RASSF3: variants seen among roughly 807,000 people sequenced by gnomAD.
RASSF3 encodes Ras association domain family member 3.
Under a neutral mutation model 19.9 loss-of-function variants are expected in RASSF3, and 19 were observed. The ratio of observed to expected loss-of-function variants is 0.96; its 90% CI spans 0.67 to 1.40. The LOEUF is 1.40. Among genes scored for constraint, RASSF3 ranks in the 40% most tolerant of loss-of-function variants. The probability of loss-of-function intolerance (pLI) is 0.00; values close to 1 mark genes in which losing one functional copy is unlikely to be tolerated. For synonymous variants in RASSF3, 110 were observed against 104.2 expected (o/e 1.06, Z -0.34); for missense variants, 306 against 289.8 (o/e 1.06, Z -0.41).
chr12:64,530,037 A>C (rs1868673616), upstream of RASSF3, among the ~76,000 whole-genome samples: 1 of 152,124 alleles, frequency 6.6e-6, no homozygotes. Context: ...TCATCACATG[A>C]AGATAATGAA....
intron 1 of RASSF3, among the ~76,000 whole-genome samples, chr12:64,526,274 CATT>C (rs1868584580): frequency 6.6e-6 from 1 of 152,172 alleles, no homozygotes; most frequent in Non-Finnish European, 1.5e-5. Flanking sequence ...AAATCAACCT[CATT>C]AATATATGCA....
In RASSF3 at chr12:64,541,282, G is replaced by A. The variant is rs527363200; in HGVS notation, c.68-299G>A. Among the ~76,000 whole-genome samples, 94 of 152,170 alleles carry A rather than the reference G, an allele frequency of 6.2e-4. No homozygotes were observed. The Middle Eastern group carries it at 0.014, about 22-fold the overall frequency. On this transcript the variant is annotated intron_variant, in intron 1 of 1. Coordinates refer to the RASSF3 transcript ENST00000636333. ...ATTACAGGCATGAGCCACAGCGCCCGGCCAATGTTGTCTTAATTTAAACCT... is the reference window on the plus strand; with the variant it reads ...ATTACAGGCATGAGCCACAGCGCCCAGCCAATGTTGTCTTAATTTAAACCT...
At chr12:64,673,417 GTGT>G (rs1430914896) in intron 1 of RASSF3, among the ~76,000 whole-genome samples, 1 of 152,138 alleles carries the variant, frequency 6.6e-6, no homozygotes, top group Admixed American at 6.5e-5. Context: ...GTTTGGGGTA[GTGT>G]TGTAGATGGT....
In RASSF3 at chr12:64,594,698, A is replaced by G. The variant is rs181144956; in HGVS notation, c.294+52993A>G. On this transcript the variant is annotated intron_variant, in intron 2 of 5. Coordinates refer to the RASSF3 transcript ENST00000637125. ...TAGAGAAACAGCAGACTCAGGGAAA[A>G]CTCTAAAAACACAGCATACCCTTCC... 3.9e-5 allele frequency among the ~76,000 whole-genome samples: 6 copies of G among 152,168 alleles called. No individual in the cohort carries two copies. The East Asian group carries it at 5.8e-4, about 15-fold the overall frequency.
chr12:64,536,994 G>A (rs141764179), intron 1 of RASSF3, among the ~76,000 whole-genome samples: 23 of 152,226 alleles, frequency 1.5e-4, no homozygotes, highest in African/African-American at 5.3e-4. Flanking sequence ...ACTTCCTGAC[G>A]GCCACATCTC....
chr12:64,538,342 T>C (rs572553852), intron 1 of RASSF3, among the ~76,000 whole-genome samples: 1 of 152,264 alleles, frequency 6.6e-6, no homozygotes, highest in Admixed American at 6.5e-5. Context: ...TTAGGGCCCA[T>C]CCACATGACC....
At chr12:64,554,493 C>T (rs1042529892) in intron 2 of RASSF3, among the ~76,000 whole-genome samples, 3 of 152,098 alleles carry the variant, frequency 2.0e-5, no homozygotes, top group Non-Finnish European at 4.4e-5. Context: ...TTAGTAGAGA[C>T]AGGGTTTCGC....
intron 1 of RASSF3, among the ~76,000 whole-genome samples, chr12:64,623,139 A>G (rs889812894): frequency 6.6e-6 from 1 of 152,168 alleles, no homozygotes; most frequent in Non-Finnish European, 1.5e-5. Flanking sequence ...AATTTTCTAC[A>G]AATGCTTGTT....
chr12:64,569,488 C>A (rs1342067407), intron 2 of RASSF3, among the ~76,000 whole-genome samples: 2 of 152,224 alleles, frequency 1.3e-5, no homozygotes, highest in Non-Finnish European at 2.9e-5. Context: ...CGAACGTTGC[C>A]ATGAGTTACA....
At chr12:64,683,642 C>T (rs1187373040) in intron 1 of RASSF3, among the ~76,000 whole-genome samples, 2 of 152,122 alleles carry the variant, frequency 1.3e-5, no homozygotes, top group African/African-American at 4.8e-5. Flanking sequence ...TGATTAACTG[C>T]TGTACTTTTT....
chr12:64,631,442 T>G (rs1185536494), intron 1 of RASSF3, among the ~76,000 whole-genome samples: 1 of 152,116 alleles, frequency 6.6e-6, no homozygotes, highest in Non-Finnish European at 1.5e-5. Context: ...AGAGGTGCTC[T>G]TCCGTGAGGC....
chr12:64,571,360 C>T (rs1215560406), intron 2 of RASSF3, among the ~76,000 whole-genome samples: 1 of 152,146 alleles, frequency 6.6e-6, no homozygotes, highest in African/African-American at 2.4e-5. Context: ...TTTTTCAGGA[C>T]ATGGACTTCA....
chr12:64,557,980 G>A (rs1257324198), intron 2 of RASSF3, among the ~76,000 whole-genome samples: 1 of 152,128 alleles, frequency 6.6e-6, no homozygotes, highest in Non-Finnish European at 1.5e-5. Flanking sequence ...TGCTGGCTGA[G>A]GCTTTTTGGG....
At chr12:64,667,125 G>A (rs561057631) in intron 1 of RASSF3, among the ~76,000 whole-genome samples, 7 of 152,114 alleles carry the variant, frequency 4.6e-5, no homozygotes, top group Non-Finnish European at 1.0e-4. Flanking sequence ...GTTACCAGCC[G>A]TTACCAGAGT....
chr12:64,662,920 AG>A (rs1872418659), intron 1 of RASSF3, among the ~76,000 whole-genome samples: 1 of 152,142 alleles, frequency 6.6e-6, no homozygotes, highest in African/African-American at 2.4e-5. Context: ...TAAGGGGCTC[AG>A]GGGGAGATGT....
intron 2 of RASSF3, among the ~76,000 whole-genome samples, chr12:64,602,287 A>C (rs1294263338): frequency 6.7e-6 from 1 of 149,844 alleles, no homozygotes; most frequent in Non-Finnish European, 1.5e-5. Context: ...TTTTTTTTAA[A>C]TATTATAACA....
rs66975333 is a variant in RASSF3 at position 64,520,555 on chromosome 12, CATATATATATATATATATATATAT to C, written c.169+13243_169+13266del. On this transcript the variant is annotated intron_variant, in intron 1 of 5. Transcript: ENST00000637125. ...ACACACACAGATACACACATACACA[CATATATATATATATATATATATAT>C]ATATATATATATATATGCACATATA... is the stretch of plus-strand genomic sequence containing the variant. 6.8e-4 allele frequency among the ~76,000 whole-genome samples: 59 copies of C among 86,366 alleles called. 2 individuals are homozygous for C. In the South Asian group the frequency reaches 0.012, roughly 18 times the overall value. 56.7% of individuals were successfully genotyped at this position (86,366 alleles called of 152,430 possible).
At chr12:64,623,451 G>T (rs1870865886) in intron 1 of RASSF3, among the ~76,000 whole-genome samples, 1 of 152,114 alleles carries the variant, frequency 6.6e-6, no homozygotes, top group African/African-American at 2.4e-5. Flanking sequence ...TAAATTTAGG[G>T]GTACTTGACT....
At chr12:64,646,288 C>T (rs1871731964) in intron 1 of RASSF3, among the ~76,000 whole-genome samples, 1 of 152,082 alleles carries the variant, frequency 6.6e-6, no homozygotes. Flanking sequence ...TAGATATTAC[C>T]AGTTTTCTAA....
Sources: allele counts gnomAD v4.1 joint callset (sites outside exome capture counted in the v4.1 genomes callset), GRCh38; gene constraint gnomAD v4.1.1; transcripts MANE v1.5; gene names NCBI Gene and HGNC (gene_info 2026-07-23, HGNC 2026-07-21).